The following TMEM51 variants were observed in gnomAD, a reference collection of about 807,000 sequenced individuals.
TMEM51 encodes the protein chromosome 1 open reading frame 72.
A neutral mutation model predicts 13.6 loss-of-function variants in TMEM51; 8 were observed. The ratio of observed to expected loss-of-function variants is 0.59; its 90% confidence interval spans 0.35 to 1.07. TMEM51 has a LOEUF of 1.07. Ranked by LOEUF, TMEM51 falls within the 50% of genes least tolerant of loss-of-function variation. The pLI, the probability that TMEM51 is intolerant of heterozygous loss-of-function variation, is 0.02. For synonymous variants in TMEM51, 147 were observed against 144.4 expected (o/e 1.02, Z -0.13); for missense variants, 279 against 330.7 (o/e 0.84, Z 1.21).
chr1:15,204,747 T>A (rs1235000957), intron 1 of TMEM51, among the ~76,000 whole-genome samples: 1 of 152,208 alleles, frequency 6.6e-6, no homozygotes, highest in Non-Finnish European at 1.5e-5. Context: ...AGTACCTCCC[T>A]TATATGACTG....
rs1470491622 is a variant in TMEM51, at chr1:15,161,267, G to A, written c.-267+7313G>A. ...CATACCTGTAATCCCAGCACTTTGGGAGGCCAAAGCAGGTGGATTGCTTGA... is the reference window on the plus strand; with the variant it reads ...CATACCTGTAATCCCAGCACTTTGGAAGGCCAAAGCAGGTGGATTGCTTGA... On this transcript the variant is annotated intron_variant, in intron 1 of 3. Transcript: ENST00000376008. The surrounding 1 kb of genome is among the most constrained non-coding windows in gnomAD (Gnocchi z 4.0). Among the ~76,000 whole-genome samples, 2 of 152,052 alleles carry A rather than the reference G, an allele frequency of 1.3e-5. No individual in the cohort carries two copies. Among genetic ancestry groups the A allele is most frequent in the Admixed American group, 6.5e-5 (1 of 15,270 alleles).
chr1:15,184,829 T>C (rs1573408468), intron 1 of TMEM51, among the ~76,000 whole-genome samples: 1 of 129,778 alleles, frequency 7.7e-6, no homozygotes, highest in Non-Finnish European at 1.6e-5. Context: ...GCGTGGGACA[T>C]TTGGCAATGT....
At chr1:15,184,891 T>G (rs80289608) in intron 1 of TMEM51, among the ~76,000 whole-genome samples, 1 of 151,888 alleles carries the variant, frequency 6.6e-6, no homozygotes, top group Admixed American at 6.6e-5. Context: ...TGGTATCTAG[T>G]AGGTAGAGAC....
chr1:15,209,051 TAGTG>T (rs1164558966), intron 1 of TMEM51, among the ~76,000 whole-genome samples: 1 of 151,826 alleles, frequency 6.6e-6, no homozygotes, highest in Non-Finnish European at 1.5e-5. Context: ...CTCCAGGAGG[TAGTG>T]TGTGTGTGTG....
At chr1:15,196,579 C>G (rs1332611785) in intron 1 of TMEM51, among the ~76,000 whole-genome samples, 2 of 152,188 alleles carry the variant, frequency 1.3e-5, no homozygotes, top group East Asian at 3.8e-4. Context: ...GTCTCAAACT[C>G]CTGGCCTCAA....
chr1:15,181,148 A>T (rs1195077177), intron 1 of TMEM51, among the ~76,000 whole-genome samples: 1 of 152,210 alleles, frequency 6.6e-6, no homozygotes, highest in Non-Finnish European at 1.5e-5. Context: ...CAGTTTCTTC[A>T]TCTTTAAAAT....
chr1:15,185,647 C>G (rs1055157856), intron 1 of TMEM51, among the ~76,000 whole-genome samples: 2 of 152,244 alleles, frequency 1.3e-5, no homozygotes, highest in African/African-American at 2.4e-5. Flanking sequence ...AAGGGACATT[C>G]TTAGCCTTGT....
intron 1 of TMEM51, among the ~76,000 whole-genome samples, chr1:15,154,359 C>G (rs1642513203): frequency 6.6e-6 from 1 of 152,254 alleles, no homozygotes; most frequent in African/African-American, 2.4e-5. Context: ...GCTTTGCTCG[C>G]GCATCCCTTA....
At chr1:15,190,237 C>T (rs1643898007) in intron 1 of TMEM51, among the ~76,000 whole-genome samples, 1 of 152,142 alleles carries the variant, frequency 6.6e-6, no homozygotes, top group South Asian at 2.1e-4. Flanking sequence ...GGTTAAGGAA[C>T]CTCTCTGGGC....
rs547487943 is a variant in TMEM51 at position 15,175,805 on chromosome 1, G to A, written c.-267+21851G>A. 2.0e-5 allele frequency among the ~76,000 whole-genome samples: 3 copies of A among 152,312 alleles called. No homozygotes were observed. The South Asian group carries it at 6.2e-4, about 32-fold the overall frequency. On this transcript the variant is annotated intron_variant, in intron 1 of 3. Coordinates refer to ENST00000376008, the MANE Select transcript of TMEM51 (RefSeq NM_001136218.2). ...TGGGGGAAGCTGCCCCCATGATTCA[G>A]TTATCTTCACCTGGCCCCGCCCTTG...
chr1:15,215,751 G>A (rs1214350575), intron 3 of TMEM51, among the ~76,000 whole-genome samples: 2 of 152,202 alleles, frequency 1.3e-5, no homozygotes, highest in Non-Finnish European at 2.9e-5. Flanking sequence ...TTTGGGCCAG[G>A]TGCAGTGGCT....
intron 1 of TMEM51, among the ~76,000 whole-genome samples, chr1:15,181,148 A>G (rs1195077177): frequency 6.6e-6 from 1 of 152,210 alleles, no homozygotes; most frequent in African/African-American, 2.4e-5. Flanking sequence ...CAGTTTCTTC[A>G]TCTTTAAAAT....
chr1:15,164,405 G>A (rs1277611638), intron 1 of TMEM51: 12 of 455,936 alleles, frequency 2.6e-5, no homozygotes, highest in Admixed American at 7.1e-5. Flanking sequence ...CCTGAATTTC[G>A]GTTTGCCTGA....
chr1:15,188,003 A>G (rs1643837137), intron 1 of TMEM51, among the ~76,000 whole-genome samples: 1 of 152,166 alleles, frequency 6.6e-6, no homozygotes, highest in Non-Finnish European at 1.5e-5. Flanking sequence ...TGGCCTCAGA[A>G]AAGGGGGGGT....
intron 3 of TMEM51, among the ~76,000 whole-genome samples, chr1:15,217,019 T>C (rs1009263352): frequency 5.9e-5 from 9 of 152,212 alleles, no homozygotes; most frequent in Non-Finnish European, 5.9e-5. Flanking sequence ...TTTCTTATCT[T>C]TATAGTGGGA....
chr1:15,171,361 AT>A, intron 1 of TMEM51: 5 of 1,266,444 alleles, frequency 3.9e-6, no homozygotes, highest in Non-Finnish European at 4.1e-6. Context: ...TTATGCATTC[AT>A]AGGGGGGGCG....
At chr1:15,213,528 GCA>G (rs1644374627) in intron 2 of TMEM51, among the ~76,000 whole-genome samples, 2 of 152,140 alleles carry the variant, frequency 1.3e-5, no homozygotes, top group African/African-American at 4.8e-5. Context: ...TTAGCAAGGG[GCA>G]TTGCTTGCTC....
chr1:15,209,250 T>G (rs1031892755), intron 1 of TMEM51, among the ~76,000 whole-genome samples: 8 of 150,660 alleles, frequency 5.3e-5, no homozygotes, highest in African/African-American at 1.7e-4. Flanking sequence ...TTATTATTAT[T>G]ATTATTATTA....
chr1:15,170,778 G>C (rs1643236231), intron 1 of TMEM51, among the ~76,000 whole-genome samples: 1 of 151,736 alleles, frequency 6.6e-6, no homozygotes, highest in Non-Finnish European at 1.5e-5. Context: ...GCCCAGGCTG[G>C]AGTGCAGTGT....
Sources: gnomAD v4.1 joint callset for allele counts (sites outside exome capture counted in the v4.1 genomes callset) on GRCh38, gnomAD v4.1.1 for gene constraint, Gnocchi (gnomAD v3.1) non-coding constraint, MANE v1.5 for transcripts, NCBI Gene and HGNC (gene_info 2026-07-23, HGNC 2026-07-21) for gene names.